Variants in IFT88 observed in about 807,000 individuals in gnomAD.
IFT88 encodes intraflagellar transport 88.
A neutral mutation model predicts 119.5 loss-of-function variants in IFT88; 74 were observed. The ratio of observed to expected loss-of-function variants is 0.62; its 90% CI spans 0.51 to 0.75. The LOEUF (loss-of-function observed/expected upper bound fraction) is 0.75. Among genes scored for constraint, IFT88 ranks in the 30% least tolerant of loss-of-function variants. IFT88 has a pLI of 0.00. For missense variants in IFT88, 961 were observed against 977.7 expected (o/e 0.98, Z 0.23); for synonymous variants, 279 against 316.7 (o/e 0.88, Z 1.26).
intron 9 of IFT88, among the ~76,000 whole-genome samples, chr13:20,598,336 T>C (rs899545435): frequency 6.6e-6 from 1 of 152,204 alleles, no homozygotes; most frequent in African/African-American, 2.4e-5. Context: ...ATCTTGCTTA[T>C]TTCTTTGATC....
chr13:20,587,251 C>A (rs1166872156), intron 3 of IFT88, among the ~76,000 whole-genome samples: 1 of 148,988 alleles, frequency 6.7e-6, no homozygotes, highest in Non-Finnish European at 1.5e-5. Flanking sequence ...TGTTTGCCTA[C>A]TGCTTTTTTT....
chr13:20,677,246 T>C (rs1408324348), intron 24 of IFT88, among the ~76,000 whole-genome samples: 1 of 152,198 alleles, frequency 6.6e-6, no homozygotes, highest in Non-Finnish European at 1.5e-5. Flanking sequence ...TTTTAATATA[T>C]TCCTGTTAGG....
rs1412317457 is a variant in IFT88 at position 20,656,351 on chromosome 13, T to C, written c.2003-14T>C. The C allele has an allele frequency of 1.6e-6, 2 of 1,244,618 alleles. No individual in the cohort carries two copies. Among genetic ancestry groups the C allele is most frequent in the East Asian group, 2.5e-5 (1 of 40,462 alleles). The allele number at this position is 1,244,618 out of a possible 1,614,324, so 77.1% of individuals were successfully genotyped here. ...TATAATTTGCTAATATATTTTTCTC[T>C]TGTTTGTTTATAGGTAACTACCAAA... On this transcript the variant is annotated splice_polypyrimidine_tract_variant and intron_variant, in intron 21 of 25. Coordinates refer to ENST00000351808, the MANE Select transcript of IFT88 (RefSeq NM_006531.5).
At chr13:20,665,144 A>G (rs564429888) in intron 23 of IFT88, among the ~76,000 whole-genome samples, 19 of 152,294 alleles carry the variant, frequency 1.2e-4, no homozygotes, top group African/African-American at 4.6e-4. Flanking sequence ...AATATATTCA[A>G]TTTTTAAATC....
chr13:20,574,024 T>C (rs1185519215), intron 1 of IFT88, among the ~76,000 whole-genome samples: 1 of 152,238 alleles, frequency 6.6e-6, no homozygotes, highest in Non-Finnish European at 1.5e-5. Flanking sequence ...TTATACTTTA[T>C]TGGAATTAAG....
intron 15 of IFT88, among the ~76,000 whole-genome samples, chr13:20,627,064 C>T (rs2047456454): frequency 6.6e-6 from 1 of 152,120 alleles, no homozygotes; most frequent in Non-Finnish European, 1.5e-5. Context: ...AAAAAGCAAC[C>T]CCAGTGTTCA....
At chr13:20,665,398 C>T (rs1247904837) in intron 23 of IFT88, among the ~76,000 whole-genome samples, 1 of 152,082 alleles carries the variant, frequency 6.6e-6, no homozygotes, top group Non-Finnish European at 1.5e-5. Context: ...GGTTATATTT[C>T]TTAAAAGGAG....
At chr13:20,597,981 A>G (rs1043640136) in intron 9 of IFT88, among the ~76,000 whole-genome samples, 2 of 152,022 alleles carry the variant, frequency 1.3e-5, no homozygotes, top group Non-Finnish European at 2.9e-5. Context: ...TCTAATTTCT[A>G]GCAACATTTA....
Position 20,671,534 on chromosome 13 carries a change from A to G in IFT88, c.2242+495A>G, listed in dbSNP as rs550083557. Among the ~76,000 whole-genome samples the G allele has an allele frequency of 2.0e-5, 3 of 152,296 alleles. No individual in the cohort carries two copies. The South Asian group carries it at 6.2e-4, about 32-fold the overall frequency. On this transcript the variant is annotated intron_variant, in intron 24 of 25. Coordinates refer to ENST00000351808, the MANE Select transcript of IFT88 (RefSeq NM_006531.5). ...ACGATGTATATATGTCTTTGGACCAACCACATAAATGCTATAGGCTTTTGG... is the reference window on the plus strand; with the variant it reads ...ACGATGTATATATGTCTTTGGACCAGCCACATAAATGCTATAGGCTTTTGG...
In IFT88 at chr13:20,658,779, G is replaced by A. The variant is rs534315844; in HGVS notation, c.2068+2349G>A. ...AGAAATGTCTCTAGACATTGCCAGT[G>A]TCCCTTGGGGGTGCAAAATTGATGC... On this transcript the variant is annotated intron_variant, in intron 22 of 25. Transcript: ENST00000351808. Among the ~76,000 whole-genome samples the A allele has an allele frequency of 7.2e-5, 11 of 152,290 alleles. No homozygotes were observed. The South Asian group carries it at 1.7e-3, about 23-fold the overall frequency.
chr13:20,690,899 C>T, intron 25 of IFT88, 84 bp downstream of exon 25: 1 of 1,388,202 alleles, frequency 7.2e-7, no homozygotes, highest in South Asian at 1.2e-5. Context: ...GCTGGGAATT[C>T]TTAAGAATTT....
chr13:20,654,101 AG>A (rs543733912), intron 21 of IFT88, among the ~76,000 whole-genome samples, 173 bp downstream of exon 21: 174 of 152,350 alleles, frequency 1.1e-3, no homozygotes, highest in Admixed American at 2.7e-3. Context: ...CATACAAAAA[AG>A]TTATGCTTAC....
chr13:20,687,047 A>C (rs796375234), intron 24 of IFT88, among the ~76,000 whole-genome samples: 42 of 147,196 alleles, frequency 2.9e-4, no homozygotes, highest in African/African-American at 8.6e-4. Flanking sequence ...AAAAAAAAAA[A>C]AACCTCATAT....
intron 20 of IFT88, among the ~76,000 whole-genome samples, chr13:20,648,184 T>G (rs1326813970): frequency 6.6e-6 from 1 of 152,088 alleles, no homozygotes; most frequent in African/African-American, 2.4e-5. Context: ...TCACCTGAGG[T>G]CAGGAGTTCA....
At chr13:20,684,042 A>G (rs1203717314) in intron 24 of IFT88, among the ~76,000 whole-genome samples, 2 of 152,246 alleles carry the variant, frequency 1.3e-5, no homozygotes, top group Non-Finnish European at 2.9e-5. Context: ...GTCTCATTAC[A>G]AAAGGAGAAC....
At chr13:20,632,761 T>C (rs1178248312) in intron 16 of IFT88, among the ~76,000 whole-genome samples, 11 of 152,370 alleles carry the variant, frequency 7.2e-5, no homozygotes, top group African/African-American at 2.4e-4. Context: ...GACCATCAGC[T>C]TCAGCTTTGT....
chr13:20,583,365 G>C, intron 3 of IFT88, among the ~76,000 whole-genome samples: 1 of 152,082 alleles, frequency 6.6e-6, no homozygotes, highest in Non-Finnish European at 1.5e-5. Context: ...ATGTCCTCAA[G>C]GTTCATCCAT....
At chr13:20,582,810 G>C (rs2038957165) in intron 2 of IFT88, 147 bp from the exon 3 acceptor site, 2 of 584,482 alleles carry the variant, frequency 3.4e-6, no homozygotes, top group Non-Finnish European at 6.1e-6. Context: ...AGTGTGAAGT[G>C]GGGAGATTTG....
chr13:20,636,123 A>G (rs2048995136), intron 16 of IFT88, among the ~76,000 whole-genome samples: 1 of 152,142 alleles, frequency 6.6e-6, no homozygotes, highest in Non-Finnish European at 1.5e-5. Context: ...AGCTGCATCC[A>G]TAATTCTTTT....
Sources: gnomAD v4.1 joint callset for allele counts (sites outside exome capture counted in the v4.1 genomes callset) on GRCh38, gnomAD v4.1.1 for gene constraint, MANE v1.5 for transcripts, NCBI Gene and HGNC (gene_info 2026-07-23, HGNC 2026-07-21) for gene names.